Variants in TNRC18 observed in about 807,000 individuals in gnomAD.
The protein encoded by TNRC18 is trinucleotide repeat containing 18, also known as trinucleotide repeat-containing gene 18 protein.
In TNRC18, 69 loss-of-function variants were observed where a neutral mutation model predicts 226.7. That is an observed-to-expected ratio of 0.30 (90% confidence interval 0.25 to 0.37). The LOEUF (loss-of-function observed/expected upper bound fraction) is 0.37. Among genes scored for constraint, TNRC18 ranks in the 10% least tolerant of loss-of-function variants. TNRC18 has a pLI of 1.00. For synonymous variants in TNRC18, 2,449 were observed against 1,927.6 expected, an observed-to-expected ratio of 1.27 and a Z score of -7.09; for missense variants, 4,754 against 4,256.6, an observed-to-expected ratio of 1.12 and a Z score of -3.25.
In TNRC18 at chr7:5,403,895, G is replaced by A. The variant is rs80176216; in HGVS notation, c.188-9300C>T. Among the ~76,000 whole-genome samples, 812 of 152,110 alleles carry A rather than the reference G, an allele frequency of 5.3e-3. 11 individuals are homozygous for A. The highest frequency in any genetic ancestry group is 0.018 in the African/African-American group (762 of 41,504). On this transcript the variant is annotated intron_variant, in intron 2 of 29. Transcript: ENST00000430969. ...TGTCACCCAGGAAAGGCATTATTCT[G>A]GCCCTAAACACTGACAGGTAACATA...
chr7:5,390,076 A>C, intron 4 of TNRC18: 1 of 305,102 alleles, frequency 3.3e-6, no homozygotes, highest in South Asian at 1.3e-4. Flanking sequence ...GGTCTCAAAA[A>C]AGCATCTTAG....
intron 15 of TNRC18, among the ~76,000 whole-genome samples, 163 bp downstream of exon 15, chr7:5,359,235 A>G (rs886608141): frequency 2.6e-5 from 4 of 152,094 alleles, no homozygotes; most frequent in African/African-American, 7.2e-5. Flanking sequence ...CCCCCTCTGT[A>G]CAATAAGGAA....
intron 24 of TNRC18, chr7:5,320,067 T>C: frequency 2.2e-6 from 1 of 454,150 alleles, no homozygotes; most frequent in South Asian, 2.6e-5. Context: ...GATGGTAAAA[T>C]ACAATCTCCA....
chr7:5,317,608 G>A (rs193158330), intron 24 of TNRC18, among the ~76,000 whole-genome samples: 1 of 151,194 alleles, frequency 6.6e-6, no homozygotes, highest in Admixed American at 6.6e-5. Flanking sequence ...AATACAGAAA[G>A]TTAAAATGAA....
At chr7:5,343,221 G>A (rs1790851079) in intron 18 of TNRC18, among the ~76,000 whole-genome samples, 1 of 146,836 alleles carries the variant, frequency 6.8e-6, no homozygotes, top group South Asian at 2.2e-4. Flanking sequence ...AGGCGTGGTG[G>A]TGTGTGCTTG....
chr7:5,382,632 C>T (rs1204622475), intron 5 of TNRC18, among the ~76,000 whole-genome samples: 4 of 152,202 alleles, frequency 2.6e-5, no homozygotes, highest in Non-Finnish European at 1.5e-5. Flanking sequence ...CCCCAGCCGC[C>T]CCCTGTGAAG....
At position 5,377,886 on chromosome 7, in the gene TNRC18, AC is replaced by A. The variant is rs1467546138; in HGVS notation, c.2255+35del. The A allele has an allele frequency of 2.5e-6, 4 of 1,594,666 alleles. No homozygotes were observed. The African/African-American group carries it at 5.4e-5, about 22-fold the overall frequency. ...CCCTCACCCCCAGGGGCTCCTAGAT[AC>A]CCCCTAGACCCTCAGGATCCCCCGA... On this transcript the variant is annotated intron_variant, in intron 6 of 29. Transcript: ENST00000430969. This position sits in a 1 kb window ranked among gnomAD's most constrained non-coding sequence, Gnocchi z 5.8.
chr7:5,347,250 C>T lies in TNRC18; in HGVS notation c.5471-1440G>A, dbSNP rs535518954. On this transcript the variant is annotated intron_variant, in intron 17 of 29. Coordinates refer to ENST00000430969, the MANE Select transcript of TNRC18 (RefSeq NM_001080495.3). ...TCACCCAGGCTGGAGTGCAGTGGCA[C>T]GATTTCGGCGCACTGCAAGCTCCAC... Among the ~76,000 whole-genome samples the T allele has an allele frequency of 2.3e-3, 353 of 150,458 alleles. 5 individuals are homozygous for T. Among genetic ancestry groups the T allele is most frequent in the African/African-American group, 8.2e-3 (336 of 40,920 alleles).
intron 16 of TNRC18, among the ~76,000 whole-genome samples, chr7:5,352,805 C>T (rs1178314101): frequency 6.6e-6 from 1 of 152,252 alleles, no homozygotes; most frequent in Non-Finnish European, 1.5e-5. Flanking sequence ...AACGCTCCGG[C>T]CCCCGCCATG....
intron 11 of TNRC18, among the ~76,000 whole-genome samples, chr7:5,367,952 C>T (rs1315253337): frequency 1.3e-5 from 2 of 151,488 alleles, no homozygotes; most frequent in Non-Finnish European, 2.9e-5. Context: ...TTGTTTGGAC[C>T]CAACAGTTCT....
At chr7:5,423,076 T>C (rs1027493299) in intron 1 of TNRC18, 1 of 152,104 alleles carries the variant, frequency 6.6e-6, no homozygotes, top group Non-Finnish European at 1.5e-5. Flanking sequence ...TTAAATGGAG[T>C]TAAAATGGCT....
chr7:5,356,824 GA>G (rs67195688), intron 16 of TNRC18, 91 bp downstream of exon 16: 123,873 of 1,347,488 alleles, frequency 0.092, 6,799 homozygotes, highest in African/African-American at 0.22. Context: ...GAGAGAGAGT[GA>G]GGGGCGGGGG....
chr7:5,370,682 C>A lies in TNRC18; in HGVS notation c.3912G>T (p.Gln1304His), dbSNP rs751403032. 13 of 1,612,334 alleles carry A rather than the reference C, an allele frequency of 8.1e-6. No individual in the cohort carries two copies. Among genetic ancestry groups the A allele is most frequent in the Non-Finnish European group, 1.1e-5 (13 of 1,179,608 alleles). ...CCTCTTGGGGCTCCAGGCTCGGGCACTGTCCCTCCCCGGCGGGCACGTCAC... is the reference window on the plus strand; with the variant it reads ...CCTCTTGGGGCTCCAGGCTCGGGCAATGTCCCTCCCCGGCGGGCACGTCAC... ...SDCDVPAGEG[Q>H]CPSLEPQEAV... The change falls in exon 11 of 30, where the codon CAG (glutamine) becomes CAT (histidine). Residue 1304 changes from glutamine (Q) to histidine (H), a missense_variant. By Grantham distance (24) the Gln-to-His change is conservative (BLOSUM62 0). Transcript: ENST00000430969.
chr7:5,347,498 C>G (rs570429689), intron 17 of TNRC18, among the ~76,000 whole-genome samples: 1 of 151,772 alleles, frequency 6.6e-6, no homozygotes, highest in African/African-American at 2.4e-5. Flanking sequence ...ACCCAGCCCC[C>G]CCGCAAAAAT....
rs760790094 is a variant in TNRC18, at chr7:5,351,781, G to A, written c.5470+38C>T. ...CTCACTCGCACGCACTCTCTCGCTAGGAAACACGGAAGGTATTTTGTGTTT... is the reference window on the plus strand; with the variant it reads ...CTCACTCGCACGCACTCTCTCGCTAAGAAACACGGAAGGTATTTTGTGTTT... On this transcript the variant is annotated intron_variant, in intron 17 of 29. Coordinates refer to ENST00000430969, the MANE Select transcript of TNRC18 (RefSeq NM_001080495.3). The A allele has an allele frequency of 1.4e-5, 21 of 1,530,722 alleles. No individual in the cohort carries two copies. The African/African-American group carries it at 1.8e-4, about 13-fold the overall frequency. The allele number at this position is 1,530,722 out of a possible 1,614,324, so 94.8% of individuals were successfully genotyped here.
intron 18 of TNRC18, among the ~76,000 whole-genome samples, chr7:5,333,357 G>A (rs1203810427): frequency 6.6e-6 from 1 of 152,208 alleles, no homozygotes; most frequent in Admixed American, 6.5e-5. Context: ...CCAGAAGCCA[G>A]GGCAGCTGGG....
rs1361916997 is a variant in TNRC18 at position 5,389,445 on chromosome 7, C to A, written c.488-109G>T. The A allele has an allele frequency of 3.0e-5, 25 of 832,970 alleles. No homozygotes were observed. The Middle Eastern group carries it at 2.2e-3, about 74-fold the overall frequency. The allele number at this position is 832,970 out of a possible 1,614,324, so 51.6% of individuals were successfully genotyped here. Reference sequence around the variant, plus strand: ...GGGATGGACCAACCCATGCCTCCCCCAGTGTTTTGGTTTTGGTTTTTTTTT... The same window carrying A: ...GGGATGGACCAACCCATGCCTCCCCAAGTGTTTTGGTTTTGGTTTTTTTTT... On this transcript the variant is annotated intron_variant, in intron 4 of 29. Coordinates refer to ENST00000430969, the MANE Select transcript of TNRC18 (RefSeq NM_001080495.3).
At position 5,388,758 on chromosome 7, in the gene TNRC18, C is replaced by T. The variant is rs1780024265; in HGVS notation, c.1066G>A (p.Val356Ile). ...PAPPAATPAG[V>I]YTVFREQGRE... ...CCCTGCTCGCGGAAGACGGTGTAGA[C>T]GCCGGCGGGGGTGGCCGCGGGGGGT... The change falls in exon 5 of 30, where the codon GTC (valine) becomes ATC (isoleucine). Residue 356 changes from valine (V) to isoleucine (I), a missense_variant. Coordinates refer to ENST00000430969, the MANE Select transcript of TNRC18 (RefSeq NM_001080495.3). The T allele has an allele frequency of 4.1e-6, 5 of 1,232,924 alleles. No individual in the cohort carries two copies. The East Asian group carries it at 1.1e-4, about 28-fold the overall frequency. The allele number at this position is 1,232,924 out of a possible 1,614,324, so 76.4% of individuals were successfully genotyped here.
intron 5 of TNRC18, among the ~76,000 whole-genome samples, chr7:5,379,272 C>T (rs1252860467): frequency 2.0e-5 from 3 of 151,924 alleles, no homozygotes; most frequent in Non-Finnish European, 4.4e-5. Context: ...CACCGGTAGT[C>T]CCAGGTACTC....
Sources: gnomAD v4.1 joint callset for allele counts (sites outside exome capture counted in the v4.1 genomes callset) on GRCh38, gnomAD v4.1.1 for gene constraint, Gnocchi (gnomAD v3.1) non-coding constraint, MANE v1.5 for transcripts, NCBI Gene and HGNC (gene_info 2026-07-23, HGNC 2026-07-21) for gene names.